HYAL4: variants seen among roughly 807,000 people sequenced by gnomAD.
HYAL4 encodes the protein hyaluronidase 4.
A neutral mutation model predicts 35.2 loss-of-function variants in HYAL4; 37 were observed. The observed-to-expected ratio is 1.05, with a 90% confidence interval of 0.81 to 1.38. The LOEUF (loss-of-function observed/expected upper bound fraction) is 1.38. Among genes scored for constraint, HYAL4 ranks in the 40% most tolerant of loss-of-function variants. HYAL4 has a pLI of 0.00. For synonymous variants in HYAL4, 198 were observed against 203.2 expected, an observed-to-expected ratio of 0.97 and a Z score of 0.22; for missense variants, 572 against 572.4, an observed-to-expected ratio of 1.00 and a Z score of 0.01.
the HYAL4 span, among the ~76,000 whole-genome samples, chr7:123,805,831 G>A: frequency 6.6e-6 from 1 of 151,866 alleles, no homozygotes; most frequent in African/African-American, 2.4e-5. Context: ...GAAATGACTG[G>A]TCTATTTTAA....
the HYAL4 span, among the ~76,000 whole-genome samples, chr7:123,773,329 TTTCA>T: frequency 1.3e-5 from 2 of 152,170 alleles, no homozygotes; most frequent in African/African-American, 4.8e-5. Context: ...ATATTTACTG[TTTCA>T]TTTATTTAAT....
upstream of HYAL4, among the ~76,000 whole-genome samples, chr7:123,840,702 C>T (rs1241675893): frequency 6.6e-6 from 1 of 151,950 alleles, no homozygotes; most frequent in Non-Finnish European, 1.5e-5. Flanking sequence ...AGGTCCTTCA[C>T]ATCCCTTGTA....
the HYAL4 span, among the ~76,000 whole-genome samples, chr7:123,778,516 T>G: frequency 1.1e-3 from 168 of 152,294 alleles, 2 homozygotes; most frequent in Admixed American, 6.9e-3. Flanking sequence ...GTATTATTTT[T>G]AAGAGCGTGG....
At chr7:123,783,436 A>G in the HYAL4 span, among the ~76,000 whole-genome samples, 1 of 151,222 alleles carries the variant, frequency 6.6e-6, no homozygotes, top group East Asian at 2.0e-4. Context: ...AAGAATTAAT[A>G]GTTAAGTGAT....
chr7:123,862,269 A>C (rs886817542), intron 2 of HYAL4, among the ~76,000 whole-genome samples: 1 of 152,172 alleles, frequency 6.6e-6, no homozygotes, highest in African/African-American at 2.4e-5. Flanking sequence ...AAGGGCTTGG[A>C]AATAAAACAG....
Position 123,876,976 on chromosome 7 carries a change from G to C in HYAL4, c.1267G>C (p.Asp423His). The change falls in exon 5 of 5, where the codon GAT (aspartate) becomes CAT (histidine). Residue 423 changes from aspartate to histidine, a missense_variant. Transcript: ENST00000223026. ...GEFTVKGKAS[D>H]TDLAVMADTF... The stretch of plus-strand genomic sequence containing the variant: ...GTTTACTGTGAAAGGAAAAGCATCT[G>C]ATACAGACCTGGCAGTGATGGCAGA... 6.2e-7 allele frequency: 1 copy of C among 1,614,202 alleles called. No homozygotes were observed. The highest frequency in any genetic ancestry group is 8.5e-7 in the Non-Finnish European group (1 of 1,180,018).
At chr7:123,847,278 C>T (rs1305635653) in intron 1 of HYAL4, among the ~76,000 whole-genome samples, 1 of 151,932 alleles carries the variant, frequency 6.6e-6, no homozygotes, top group African/African-American at 2.4e-5. Flanking sequence ...TCATGTTATC[C>T]CTTTTCATTT....
the HYAL4 span, among the ~76,000 whole-genome samples, chr7:123,772,037 G>C: frequency 6.6e-6 from 1 of 152,048 alleles, no homozygotes; most frequent in Non-Finnish European, 1.5e-5. Context: ...TACACTATCA[G>C]CTCCCCTGGG....
At chr7:123,774,313 A>G in the HYAL4 span, among the ~76,000 whole-genome samples, 1 of 152,218 alleles carries the variant, frequency 6.6e-6, no homozygotes, top group Non-Finnish European at 1.5e-5. Context: ...TGCTGGGATT[A>G]TAGGCGTGAG....
At position 123,845,202 on chromosome 7, in the gene HYAL4, C is replaced by CTTTTTTTTT. The variant is rs770541919; in HGVS notation, c.-589_-581dup. ...TTATTTATGCTATCTATTTCTTTTC[C>CTTTTTTTTT]TTTTTTTTTTTTTTTTTTTTTTTTG... is the stretch of plus-strand genomic sequence containing the variant. On this transcript the variant is annotated 5_prime_UTR_variant, in exon 1 of 5. Transcript: ENST00000223026. 16 of 76,872 alleles carry CTTTTTTTTT rather than the reference C, an allele frequency of 2.1e-4. No homozygotes were observed. The highest frequency in any genetic ancestry group is 3.4e-4 in the Admixed American group (2 of 5,862). 4.8% of individuals were successfully genotyped at this position (76,872 alleles called of 1,614,324 possible).
the HYAL4 span, among the ~76,000 whole-genome samples, chr7:123,807,914 A>AAGT: frequency 2.2e-5 from 3 of 136,572 alleles, no homozygotes; most frequent in African/African-American, 8.2e-5. Context: ...TTAGCTGGAT[A>AAGT]ATTATTATTA....
chr7:123,783,543 T>C, the HYAL4 span, among the ~76,000 whole-genome samples: 1 of 152,162 alleles, frequency 6.6e-6, no homozygotes, highest in Admixed American at 6.5e-5. Context: ...CGAGGTCCTA[T>C]GTGAGTAGAG....
At chr7:123,777,028 G>T in the HYAL4 span, among the ~76,000 whole-genome samples, 1 of 152,138 alleles carries the variant, frequency 6.6e-6, no homozygotes. Context: ...TGGGAAATAC[G>T]TAGGAGAATA....
At chr7:123,824,495 C>T (rs2116899786), upstream of HYAL4, among the ~76,000 whole-genome samples, 1 of 152,180 alleles carries the variant, frequency 6.6e-6, no homozygotes, top group East Asian at 1.9e-4. Context: ...ATACGGCTGC[C>T]ATTTAGTGGC....
the HYAL4 span, among the ~76,000 whole-genome samples, chr7:123,794,474 C>T: frequency 6.6e-6 from 1 of 152,172 alleles, no homozygotes; most frequent in African/African-American, 2.4e-5. Flanking sequence ...AAAATTGTTT[C>T]CTGGGCCAGG....
At chr7:123,857,669 GTTTCTTTCTTTCTTTC>G (rs200221721) in intron 2 of HYAL4, among the ~76,000 whole-genome samples, 4,263 of 124,702 alleles carry the variant, frequency 0.034, 109 homozygotes, top group Non-Finnish European at 0.045. Flanking sequence ...TTCTTTGTTT[GTTTCTTTCTTTCTTTC>G]TTTCTTTCTT....
intron 3 of HYAL4, among the ~76,000 whole-genome samples, 180 bp from the exon 4 acceptor site, chr7:123,874,581 A>G (rs756280218): frequency 4.6e-5 from 7 of 151,654 alleles, no homozygotes; most frequent in African/African-American, 1.5e-4. Context: ...TTTTTTTTGT[A>G]TTTTCAGTAG....
chr7:123,835,402 A>T (rs914848954), intron 1 of HYAL4, among the ~76,000 whole-genome samples: 2 of 151,856 alleles, frequency 1.3e-5, no homozygotes, highest in African/African-American at 2.4e-5. Flanking sequence ...ATGATCTTTT[A>T]TATTTCAGTG....
At chr7:123,818,815 T>G in the HYAL4 span, among the ~76,000 whole-genome samples, 2 of 152,204 alleles carry the variant, frequency 1.3e-5, no homozygotes, top group Non-Finnish European at 2.9e-5. Flanking sequence ...TATATTTTAA[T>G]TGACATATAC....
Sources: gnomAD v4.1 joint callset for allele counts (sites outside exome capture counted in the v4.1 genomes callset) on GRCh38, gnomAD v4.1.1 for gene constraint, MANE v1.5 for transcripts, NCBI Gene and HGNC (gene_info 2026-07-23, HGNC 2026-07-21) for gene names.